Variants in SHROOM3 observed in about 807,000 individuals in gnomAD.
SHROOM3 encodes the protein shroom family member 3, also known as protein Shroom3.
A neutral mutation model predicts 138.6 loss-of-function variants in SHROOM3; 47 were observed. That is an observed-to-expected ratio of 0.34 (90% CI 0.27 to 0.43). SHROOM3 has a LOEUF of 0.43. SHROOM3 is among the 20% of genes least tolerant of loss of function. The probability of loss-of-function intolerance (pLI) is 1.00; values close to 1 mark genes in which losing one functional copy is unlikely to be tolerated. For synonymous variants in SHROOM3, 1,062 were observed against 1,063.3 expected (o/e 1.00, Z 0.02); for missense variants, 2,491 against 2,596.5 (o/e 0.96, Z 0.88).
rs558463803 is a variant in SHROOM3 at position 76,511,899 on chromosome 4, C to T, written c.169-43710C>T. ...GAGATGGGAAACCCCATTGCAGAAA[C>T]GGAGTGAGGGGCCTGTCCTCAGAAT... On this transcript the variant is annotated intron_variant, in intron 1 of 10. Coordinates refer to ENST00000296043, the MANE Select transcript of SHROOM3 (RefSeq NM_020859.4). Among the ~76,000 whole-genome samples, 60 of 152,134 alleles carry T rather than the reference C, an allele frequency of 3.9e-4. No homozygotes were observed. In the South Asian group the frequency reaches 4.6e-3, roughly 12 times the overall value.
rs975541999 is a variant in SHROOM3 at position 76,782,764 on chromosome 4, G to C, written c.*3587G>C. On this transcript the variant is annotated 3_prime_UTR_variant, in exon 11 of 11. Coordinates refer to ENST00000296043, the MANE Select transcript of SHROOM3 (RefSeq NM_020859.4). The stretch of plus-strand genomic sequence containing the variant: ...TCATTTCCTACAAGGTATAAAAAGT[G>C]GTCAAGTGAATGTGAAGGGGCTTTT... 6.6e-6 allele frequency: 1 copy of C among 152,148 alleles called. No individual in the cohort carries two copies. The highest frequency in any genetic ancestry group is 1.9e-4 in the East Asian group (1 of 5,196). 9.4% of individuals were successfully genotyped at this position (152,148 alleles called of 1,614,324 possible).
At chr4:76,726,515 C>G (rs1278899250) in intron 3 of SHROOM3, among the ~76,000 whole-genome samples, 7 of 144,490 alleles carry the variant, frequency 4.8e-5, no homozygotes. Flanking sequence ...TTCCTCTTCT[C>G]TCTCTCCACT....
intron 2 of SHROOM3, among the ~76,000 whole-genome samples, chr4:76,685,750 G>C (rs1022125011): frequency 4.6e-5 from 7 of 152,110 alleles, no homozygotes; most frequent in Non-Finnish European, 7.4e-5. Context: ...AGGCTGACAC[G>C]GGCAGATCAC....
chr4:76,768,585 A>C (rs540367079), intron 9 of SHROOM3, among the ~76,000 whole-genome samples: 98 of 152,314 alleles, frequency 6.4e-4, no homozygotes, highest in African/African-American at 2.3e-3. Context: ...ATCTAGGCTC[A>C]CTGCAAACTC....
At chr4:76,771,684 C>T (rs1722363663) in intron 10 of SHROOM3, among the ~76,000 whole-genome samples, 1 of 152,168 alleles carries the variant, frequency 6.6e-6, no homozygotes, top group African/African-American at 2.4e-5. Context: ...GACAATTCAC[C>T]AAGAGCTTCC....
chr4:76,633,533 G>A (rs543616405), intron 2 of SHROOM3, among the ~76,000 whole-genome samples: 1 of 151,118 alleles, frequency 6.6e-6, no homozygotes, highest in Non-Finnish European at 1.5e-5. Context: ...GCGGGCGCCT[G>A]TAAGTCCCAG....
intron 1 of SHROOM3, among the ~76,000 whole-genome samples, chr4:76,453,356 G>A (rs1020944414): frequency 2.6e-5 from 4 of 151,096 alleles, no homozygotes; most frequent in Admixed American, 6.6e-5. Context: ...ATGGTTCATT[G>A]TAGTCTTGAC....
intron 3 of SHROOM3, among the ~76,000 whole-genome samples, chr4:76,713,524 C>T (rs942786929): frequency 6.6e-6 from 1 of 152,172 alleles, no homozygotes; most frequent in Non-Finnish European, 1.5e-5. Flanking sequence ...GGAACACCTC[C>T]TGTAGAACCT....
intron 2 of SHROOM3, among the ~76,000 whole-genome samples, chr4:76,675,713 G>A (rs906925757): frequency 2.6e-5 from 4 of 152,156 alleles, no homozygotes; most frequent in Admixed American, 2.6e-4. Context: ...AAGATTATCT[G>A]GTCATGATGA....
In SHROOM3 at chr4:76,664,634, GCAAA is replaced by G. The variant is rs1718643155; in HGVS notation, c.324-45519_324-45516del. On this transcript the variant is annotated intron_variant, in intron 2 of 10. Transcript: ENST00000296043. The surrounding 1 kb of genome is among the most constrained non-coding windows in gnomAD (Gnocchi z 4.2). ...GTTACTGTTGTATCGTTTTATTGTGGCAAACAGACACACACATACTCACATACAT... is the reference window on the plus strand; with the variant it reads ...GTTACTGTTGTATCGTTTTATTGTGGCAGACACACACATACTCACATACAT... 6.6e-6 allele frequency among the ~76,000 whole-genome samples: 1 copy of G among 152,096 alleles called. No homozygotes were observed. Among genetic ancestry groups the G allele is most frequent in the African/African-American group, 2.4e-5 (1 of 41,412 alleles).
At position 76,464,842 on chromosome 4, in the gene SHROOM3, G is replaced by A. The variant is rs577402504; in HGVS notation, c.168+28622G>A. Among the ~76,000 whole-genome samples, 53 of 152,206 alleles carry A rather than the reference G, an allele frequency of 3.5e-4. 1 individual carries two copies. In the South Asian group the frequency reaches 0.01, roughly 30 times the overall value. ...TTCCCCTTCACCTTTTGCCATGATT[G>A]TAAGTTTCCTAAGGCCTTCCAGCTG... On this transcript the variant is annotated intron_variant, in intron 1 of 10. Transcript: ENST00000296043.
chr4:76,574,746 T>A (rs904631945), intron 2 of SHROOM3, among the ~76,000 whole-genome samples: 1 of 152,150 alleles, frequency 6.6e-6, no homozygotes, highest in African/African-American at 2.4e-5. Flanking sequence ...TGTAAATGAT[T>A]CCACTTGTAT....
At chr4:76,681,594 G>GGGGTGTGTGTGTGTGTGT (rs1553936165) in intron 2 of SHROOM3, among the ~76,000 whole-genome samples, 10 of 81,016 alleles carry the variant, frequency 1.2e-4, no homozygotes, top group East Asian at 6.4e-4. Context: ...CAGAGTCTAG[G>GGGGTGTGTGTGTGTGTGT]GTGTGTGTGT....
At chr4:76,749,763 T>G (rs1433007894) in intron 6 of SHROOM3, among the ~76,000 whole-genome samples, 9 of 152,194 alleles carry the variant, frequency 5.9e-5, no homozygotes, top group Admixed American at 5.9e-4. Flanking sequence ...GGTAGAAAAG[T>G]AAAATGAGCA....
chr4:76,628,775 A>G (rs544841366), intron 2 of SHROOM3: 2 of 152,328 alleles, frequency 1.3e-5, no homozygotes, highest in African/African-American at 4.8e-5. Flanking sequence ...TAATATTCAA[A>G]GATTAGTGCA....
intron 2 of SHROOM3, among the ~76,000 whole-genome samples, chr4:76,579,772 T>G (rs1404822303): frequency 6.6e-6 from 1 of 152,232 alleles, no homozygotes; most frequent in African/African-American, 2.4e-5. Flanking sequence ...ACACAAACAC[T>G]GGTTGGCCAG....
intron 2 of SHROOM3, among the ~76,000 whole-genome samples, chr4:76,577,077 C>T (rs1049941778): frequency 1.3e-5 from 2 of 152,086 alleles, no homozygotes; most frequent in Non-Finnish European, 2.9e-5. Flanking sequence ...TTTCACCAAA[C>T]CTTAATTGAA....
intron 1 of SHROOM3, among the ~76,000 whole-genome samples, chr4:76,460,616 G>A (rs890095329): frequency 3.3e-5 from 5 of 151,942 alleles, no homozygotes; most frequent in African/African-American, 1.2e-4. Flanking sequence ...TAAGTTTGCA[G>A]AGGCTGCCTT....
Position 76,654,135 on chromosome 4 carries a change from G to A in SHROOM3, c.324-56021G>A, listed in dbSNP as rs115197834. 8.2e-3 allele frequency among the ~76,000 whole-genome samples: 1,254 copies of A among 152,298 alleles called. 20 individuals are homozygous for A. Among genetic ancestry groups the A allele is most frequent in the African/African-American group, 0.029 (1,207 of 41,562 alleles). The stretch of plus-strand genomic sequence containing the variant: ...TTTCTCGAGTTGTCTGGCCTGAACT[G>A]AGTCTTAGATAAGTGGGTAGAGGAG... On this transcript the variant is annotated intron_variant, in intron 2 of 10. Coordinates refer to ENST00000296043, the MANE Select transcript of SHROOM3 (RefSeq NM_020859.4).
Sources: allele counts gnomAD v4.1 joint callset (sites outside exome capture counted in the v4.1 genomes callset), GRCh38; gene constraint gnomAD v4.1.1; non-coding constraint Gnocchi (gnomAD v3.1); transcripts MANE v1.5; gene names NCBI Gene and HGNC (gene_info 2026-07-23, HGNC 2026-07-21).